The following ATG7 variants were observed in gnomAD, a reference collection of about 807,000 sequenced individuals.
The protein encoded by ATG7 is ubiquitin-like modifier-activating enzyme ATG7.
A neutral mutation model predicts 82.4 loss-of-function variants in ATG7; 70 were observed. That is an observed-to-expected ratio of 0.85 (90% CI 0.70 to 1.04). ATG7 has a LOEUF of 1.04. Among genes scored for constraint, ATG7 ranks in the 50% least tolerant of loss-of-function variants. The pLI, the probability that ATG7 is intolerant of heterozygous loss-of-function variation, is 0.00. For missense variants in ATG7, 792 were observed against 864.3 expected, an observed-to-expected ratio of 0.92 and a Z score of 1.05; for synonymous variants, 287 against 313.0, an observed-to-expected ratio of 0.92 and a Z score of 0.88.
chr3:11,559,268 GAC>G, downstream of ATG7: 1 of 1,467,804 alleles, frequency 6.8e-7, no homozygotes, highest in South Asian at 1.4e-5. Flanking sequence ...CCAACAGCAT[GAC>G]AGAGAAGGGC....
chr3:11,506,576 AAAAAAAAACC>A (rs2091735510), intron 20 of ATG7, among the ~76,000 whole-genome samples: 17 of 13,758 alleles, frequency 1.2e-3, no homozygotes, highest in South Asian at 9.1e-3. Flanking sequence ...AAAAAAAAAA[AAAAAAAAACC>A]CAAAAATTAG....
At chr3:11,366,971 CTGTGTGTGTGTGTGTGTGTGTGTG>C (rs60183965) in intron 18 of ATG7, among the ~76,000 whole-genome samples, 10 of 139,694 alleles carry the variant, frequency 7.2e-5, no homozygotes, top group Admixed American at 2.2e-4. Context: ...ATGGGAAAAG[CTGTGTGTGTGTGTGTGTGTGTGTG>C]TGTGTGTGTG....
At chr3:11,571,628 C>T in the ATG7 span, among the ~76,000 whole-genome samples, 4 of 152,146 alleles carry the variant, frequency 2.6e-5, no homozygotes, top group African/African-American at 9.7e-5. Flanking sequence ...GACAGAGCCA[C>T]TGCACTCCAG....
chr3:11,358,008 C>CA lies in ATG7; in HGVS notation c.1285-395dup, dbSNP rs549902316. ...TGGGTGACAAAGTAAGACCTTGTCT[C>CA]AAAAAAAAAAAAAAAGAAAAGAAAA... On this transcript the variant is annotated intron_variant, in intron 14 of 20. Coordinates refer to ENST00000693202, the MANE Select transcript of ATG7 (RefSeq NM_001349232.2). Among the ~76,000 whole-genome samples the CA allele has an allele frequency of 8.4e-3, 682 of 80,780 alleles. 2 individuals carry two copies. The highest frequency in any genetic ancestry group is 0.018 in the South Asian group (45 of 2,504). 53.0% of individuals were successfully genotyped at this position (80,780 alleles called of 152,430 possible).
At chr3:11,431,272 G>A (rs1238558278) in intron 20 of ATG7, among the ~76,000 whole-genome samples, 2 of 152,170 alleles carry the variant, frequency 1.3e-5, no homozygotes, top group South Asian at 2.1e-4. Flanking sequence ...GTGGTGGCAT[G>A]TGCCTGTAAT....
intron 19 of ATG7, among the ~76,000 whole-genome samples, chr3:11,424,810 A>C (rs967953456): frequency 6.6e-6 from 1 of 152,162 alleles, no homozygotes; most frequent in Non-Finnish European, 1.5e-5. Context: ...ATGTACATCC[A>C]TGCATTTCTT....
intron 20 of ATG7, among the ~76,000 whole-genome samples, chr3:11,461,062 A>G (rs1334736394): frequency 1.3e-5 from 2 of 152,196 alleles, no homozygotes; most frequent in African/African-American, 2.4e-5. Context: ...ATCTACCACA[A>G]TGGGTCAATA....
At chr3:11,393,797 C>T (rs2079004694) in intron 19 of ATG7, among the ~76,000 whole-genome samples, 1 of 152,084 alleles carries the variant, frequency 6.6e-6, no homozygotes, top group African/African-American at 2.4e-5. Context: ...TCTCGTGCCT[C>T]ACCCTCGCAA....
At chr3:11,571,374 T>C in the ATG7 span, among the ~76,000 whole-genome samples, 7 of 152,158 alleles carry the variant, frequency 4.6e-5, no homozygotes, top group East Asian at 1.9e-4. Flanking sequence ...ACCCACGTAA[T>C]GTTTCCCCCA....
chr3:11,466,130 A>G (rs924630122), intron 20 of ATG7, among the ~76,000 whole-genome samples: 1 of 152,232 alleles, frequency 6.6e-6, no homozygotes, highest in African/African-American at 2.4e-5. Context: ...GCATGAGAAG[A>G]ACTCCAGCAT....
rs1191893842 is a variant in ATG7, at chr3:11,556,335, C to G, written c.*1492C>G. The G allele has an allele frequency of 2.6e-5, 4 of 152,896 alleles. No homozygotes were observed. In the East Asian group the frequency reaches 7.6e-4, roughly 29 times the overall value. 9.5% of individuals were successfully genotyped at this position (152,896 alleles called of 1,614,324 possible). A position where few individuals can be genotyped will look rare whatever the true frequency, so the allele number is the denominator to read the frequency against. ...TGCTGCCTCCTCTGCCCCAGGCCCC[C>G]CTCCAGGGTACTGCCTATCCCAGAT... On this transcript the variant is annotated 3_prime_UTR_variant, in exon 21 of 21. Coordinates refer to ENST00000693202, the MANE Select transcript of ATG7 (RefSeq NM_001349232.2).
chr3:11,434,134 T>TA (rs2083157080), intron 20 of ATG7, among the ~76,000 whole-genome samples: 1 of 152,258 alleles, frequency 6.6e-6, no homozygotes, highest in Non-Finnish European at 1.5e-5. Flanking sequence ...CTTTTGCACT[T>TA]ACACTGAGAT....
chr3:11,341,593 G>A (rs1343166446), intron 12 of ATG7, among the ~76,000 whole-genome samples: 1 of 151,780 alleles, frequency 6.6e-6, no homozygotes, highest in Non-Finnish European at 1.5e-5. Flanking sequence ...GATTACAGGC[G>A]CCTGCCACCA....
chr3:11,545,921 T>C (rs2071243221), intron 20 of ATG7, among the ~76,000 whole-genome samples: 1 of 150,976 alleles, frequency 6.6e-6, no homozygotes, highest in Non-Finnish European at 1.5e-5. Flanking sequence ...AGAGGATTGC[T>C]TAAGCCTAGG....
intron 20 of ATG7, among the ~76,000 whole-genome samples, chr3:11,497,357 C>CTATATATATATGTATATGTATATATA (rs1281826628): frequency 8.7e-5 from 5 of 57,318 alleles, no homozygotes; most frequent in African/African-American, 3.3e-4. Context: ...ACTAAAAATA[C>CTATATATATATGTATATGTATATATA]TATATATATA....
At chr3:11,334,054 C>T (rs955305998) in intron 11 of ATG7, among the ~76,000 whole-genome samples, 3 of 151,236 alleles carry the variant, frequency 2.0e-5, no homozygotes, top group African/African-American at 7.3e-5. Flanking sequence ...CGGCCAGCTT[C>T]GGGAATATTT....
At chr3:11,503,492 C>T (rs1047765144) in intron 20 of ATG7, among the ~76,000 whole-genome samples, 6 of 152,044 alleles carry the variant, frequency 3.9e-5, no homozygotes, top group Non-Finnish European at 5.9e-5. Context: ...GGCGCAGTGG[C>T]TCACGCCTGT....
chr3:11,527,764 CTCTTAGTTTTAAT>C (rs1350676793), intron 20 of ATG7, among the ~76,000 whole-genome samples: 2 of 152,232 alleles, frequency 1.3e-5, no homozygotes, highest in Non-Finnish European at 2.9e-5. Context: ...CTGAGTAACA[CTCTTAGTTTTAAT>C]TTAAAAACTC....
chr3:11,534,857 T>C (rs941472029), intron 20 of ATG7, among the ~76,000 whole-genome samples: 10 of 152,284 alleles, frequency 6.6e-5, no homozygotes, highest in Non-Finnish European at 1.5e-5. Flanking sequence ...CAGCTCTTCT[T>C]CCCCAGGCTC....
Sources: gnomAD v4.1 joint callset for allele counts (sites outside exome capture counted in the v4.1 genomes callset) on GRCh38, gnomAD v4.1.1 for gene constraint, MANE v1.5 for transcripts, NCBI Gene and HGNC (gene_info 2026-07-23, HGNC 2026-07-21) for gene names.